SPHKAP: variants seen among roughly 807,000 people sequenced by gnomAD.
SPHKAP encodes the protein SPHK1 interactor, AKAP domain containing.
In SPHKAP, 67 loss-of-function variants were observed where a neutral mutation model predicts 137.5. The ratio of observed to expected loss-of-function variants is 0.49; its 90% CI spans 0.40 to 0.60. The LOEUF is 0.60. Among genes scored for constraint, SPHKAP ranks in the 20% least tolerant of loss-of-function variants. The probability of loss-of-function intolerance (pLI) is 0.00; values close to 1 mark genes in which losing one functional copy is unlikely to be tolerated. For synonymous variants in SPHKAP, 813 were observed against 785.3 expected (o/e 1.04, Z -0.59); for missense variants, 2,097 against 2,069.3 (o/e 1.01, Z -0.26).
At chr2:227,990,405 C>A (rs1302386038) in intron 11 of SPHKAP, among the ~76,000 whole-genome samples, 1 of 152,196 alleles carries the variant, frequency 6.6e-6, no homozygotes, top group Non-Finnish European at 1.5e-5. Flanking sequence ...GAGACAGATT[C>A]ATGCCTTACT....
At chr2:228,001,699 C>T (rs936731526) in intron 7 of SPHKAP, among the ~76,000 whole-genome samples, 10 of 151,884 alleles carry the variant, frequency 6.6e-5, no homozygotes, top group African/African-American at 2.4e-4. Flanking sequence ...AGGTATATCT[C>T]CTAATGCTAT....
intron 3 of SPHKAP, among the ~76,000 whole-genome samples, chr2:228,030,409 G>A (rs1462230117): frequency 6.7e-6 from 1 of 148,612 alleles, no homozygotes; most frequent in East Asian, 2.0e-4. Context: ...AGCTACTCAG[G>A]AGGCTGAGGC....
intron 5 of SPHKAP, among the ~76,000 whole-genome samples, chr2:228,023,251 A>C (rs1248026380): frequency 6.6e-6 from 1 of 152,178 alleles, no homozygotes; most frequent in African/African-American, 2.4e-5. Flanking sequence ...TCAAAAATAA[A>C]ATTCCCCTAA....
intron 1 of SPHKAP, among the ~76,000 whole-genome samples, chr2:228,142,471 CAA>C (rs112561589): frequency 1.7e-5 from 2 of 118,610 alleles, no homozygotes; most frequent in Non-Finnish European, 1.8e-5. Flanking sequence ...GACTCCATCT[CAA>C]AAAAAAAAAA....
At chr2:228,041,575 C>T (rs10181050) in intron 3 of SPHKAP, among the ~76,000 whole-genome samples, 57,101 of 146,624 alleles carry the variant, frequency 0.39, 11,349 homozygotes, top group Middle Eastern at 0.52. Context: ...ACCCAGGAGG[C>T]GGAGGAGGTT....
At chr2:228,146,453 C>T (rs1359618611) in intron 1 of SPHKAP, among the ~76,000 whole-genome samples, 2 of 152,070 alleles carry the variant, frequency 1.3e-5, no homozygotes, top group East Asian at 1.9e-4. Context: ...TGGGGTTGCA[C>T]GTGAAGGTTT....
intron 5 of SPHKAP, among the ~76,000 whole-genome samples, chr2:228,023,164 C>T (rs1694905502): frequency 6.6e-6 from 1 of 152,104 alleles, no homozygotes; most frequent in Admixed American, 6.5e-5. Context: ...ATAAAAGGTT[C>T]CAATAATTCT....
Position 228,018,602 on chromosome 2 carries a change from C to G in SPHKAP, c.2252G>C (p.Cys751Ser). 6.2e-7 allele frequency: 1 copy of G among 1,613,934 alleles called. No individual in the cohort carries two copies. Among genetic ancestry groups the G allele is most frequent in the Non-Finnish European group, 8.5e-7 (1 of 1,179,902 alleles). The change falls in exon 7 of 12, where the codon TGC becomes TCC. Residue 751 changes from cysteine (C) to serine (S), a missense_variant. Cys to Ser is a moderately radical substitution (Grantham distance 112). Coordinates refer to ENST00000392056, the MANE Select transcript of SPHKAP (RefSeq NM_001142644.2). ...ACTAGCACCCGGATCAGATGGCTGG[C>G]AGCTTGGTTCTGTCTCCCTCCTTCT... ...TIRRRETEPS[C>S]QPSDPGASQA...
chr2:228,004,057 A>G (rs928653976), intron 7 of SPHKAP, among the ~76,000 whole-genome samples: 1 of 152,220 alleles, frequency 6.6e-6, no homozygotes, highest in African/African-American at 2.4e-5. Context: ...CTTTGGTATC[A>G]GGATGATGCT....
intron 3 of SPHKAP, among the ~76,000 whole-genome samples, chr2:228,033,271 A>G (rs1695426633): frequency 6.6e-6 from 1 of 152,224 alleles, no homozygotes; most frequent in African/African-American, 2.4e-5. Flanking sequence ...AAAGATCAAA[A>G]GAGACAAAGA....
chr2:228,170,351 CAG>C (rs1308328015), intron 1 of SPHKAP, among the ~76,000 whole-genome samples: 2 of 152,062 alleles, frequency 1.3e-5, no homozygotes, highest in Non-Finnish European at 2.9e-5. Context: ...AAAGCAGTGA[CAG>C]AGATTGTGAG....
intron 3 of SPHKAP, among the ~76,000 whole-genome samples, chr2:228,098,853 T>G (rs906391072): frequency 2.6e-5 from 4 of 152,142 alleles, no homozygotes; most frequent in African/African-American, 7.2e-5. Context: ...GGTGGTTTTT[T>G]GCTTGTTTAC....
intron 7 of SPHKAP, chr2:227,995,999 G>A (rs1295310056): frequency 1.0e-6 from 1 of 985,264 alleles, no homozygotes; most frequent in African/African-American, 1.7e-5. Context: ...GGACAATGAT[G>A]TTTAAAAAGA....
chr2:228,115,356 T>G (rs998758640), intron 2 of SPHKAP, among the ~76,000 whole-genome samples: 3 of 152,024 alleles, frequency 2.0e-5, no homozygotes, highest in Admixed American at 1.3e-4. Flanking sequence ...ACTCCCTCCT[T>G]CCCCACTTCC....
At chr2:228,159,661 G>C (rs1007781375) in intron 1 of SPHKAP, among the ~76,000 whole-genome samples, 1 of 152,168 alleles carries the variant, frequency 6.6e-6, no homozygotes, top group African/African-American at 2.4e-5. Context: ...ACTGCTTTAA[G>C]AAAATGGAGA....
intron 7 of SPHKAP, among the ~76,000 whole-genome samples, chr2:228,007,831 ATGG>A (rs1408080788): frequency 2.0e-5 from 3 of 152,120 alleles, no homozygotes; most frequent in African/African-American, 7.2e-5. Context: ...TCATCAATAA[ATGG>A]TGTAGGAAAA....
rs570483164 is a variant in SPHKAP, at chr2:228,080,082, A to G, written c.246+28750T>C. Among the ~76,000 whole-genome samples the G allele has an allele frequency of 2.6e-5, 4 of 151,804 alleles. No homozygotes were observed. In the East Asian group the frequency reaches 7.7e-4, roughly 29 times the overall value. ...GAAGTAACAATGTTTTTTTTTTTATATGAACCCAAGAGCATAGGTAACAAA... is the reference window on the plus strand; with the variant it reads ...GAAGTAACAATGTTTTTTTTTTTATGTGAACCCAAGAGCATAGGTAACAAA... On this transcript the variant is annotated intron_variant, in intron 3 of 11. Transcript: ENST00000392056.
chr2:228,018,545 C>G lies in SPHKAP; in HGVS notation c.2309G>C (p.Ser770Thr). Residue 770 changes from serine (S) to threonine (T), a missense_variant, in exon 7 of 12, where the codon AGC (serine) becomes ACC (threonine). Ser to Thr is a moderately conservative substitution (Grantham distance 58). Coordinates refer to ENST00000392056, the MANE Select transcript of SPHKAP (RefSeq NM_001142644.2). The part of the protein sequence containing the change: ...QAWTKATESS[S>T]SSPLSNSHNT... ...GTGTGAATTGCTAAGTGGAGAGCTG[C>G]TGGAGGATTCAGTGGCTTTTGTCCA... 1 of 1,613,896 alleles carries G rather than the reference C, an allele frequency of 6.2e-7. No individual in the cohort carries two copies. The highest frequency in any genetic ancestry group is 8.5e-7 in the Non-Finnish European group (1 of 1,179,878).
At chr2:228,152,818 C>A (rs2106401373) in intron 1 of SPHKAP, among the ~76,000 whole-genome samples, 1 of 151,826 alleles carries the variant, frequency 6.6e-6, no homozygotes, top group South Asian at 2.1e-4. Flanking sequence ...CTGGTAAGTA[C>A]AAGGATCTTA....
Sources: gnomAD v4.1 joint callset for allele counts (sites outside exome capture counted in the v4.1 genomes callset) on GRCh38, gnomAD v4.1.1 for gene constraint, MANE v1.5 for transcripts, NCBI Gene and HGNC (gene_info 2026-07-23, HGNC 2026-07-21) for gene names.